The following ANKRD18A variants were observed in gnomAD, a reference collection of about 807,000 sequenced individuals.
ANKRD18A encodes ankyrin repeat domain-containing protein 18A.
Under a neutral mutation model 110.6 loss-of-function variants are expected in ANKRD18A, and 72 were observed. The observed-to-expected ratio is 0.65, with a 90% confidence interval of 0.54 to 0.79. ANKRD18A has a LOEUF of 0.79. Among genes scored for constraint, ANKRD18A ranks in the 30% least tolerant of loss-of-function variants. The probability of loss-of-function intolerance (pLI) is 0.00; values close to 1 mark genes in which losing one functional copy is unlikely to be tolerated. For synonymous variants in ANKRD18A, 305 were observed against 410.3 expected, an observed-to-expected ratio of 0.74 and a Z score of 3.10; for missense variants, 934 against 1,163.3, an observed-to-expected ratio of 0.80 and a Z score of 2.87.
At chr9:38,588,102 T>A (rs1307789829) in intron 11 of ANKRD18A, among the ~76,000 whole-genome samples, 2 of 151,996 alleles carry the variant, frequency 1.3e-5, no homozygotes, top group Non-Finnish European at 2.9e-5. Flanking sequence ...GATAAATAAA[T>A]AAATAAATAA....
At chr9:38,596,475 A>G (rs1398984705) in intron 8 of ANKRD18A, 72 bp from the exon 9 acceptor site, 1 of 1,267,080 alleles carries the variant, frequency 7.9e-7, no homozygotes, top group South Asian at 2.1e-5. Flanking sequence ...CTGAAGTGAA[A>G]GAGCAATCTA....
Position 38,595,549 on chromosome 9 carries a change from C to A in ANKRD18A, c.1791G>T (p.Met597Ile), listed in dbSNP as rs1479049685. The A allele has an allele frequency of 2.0e-6, 3 of 1,534,318 alleles. No homozygotes were observed. Among genetic ancestry groups the A allele is most frequent in the Non-Finnish European group, 2.6e-6 (3 of 1,140,708 alleles). ...TTTCTTTTAAATAATTATATTCTTT[C>A]ATTAATTCCTTATTTCTTTCTTCTA... ...DLLEERNKELMKEYNYLKEKL... is the reference protein window; with the variant it reads ...DLLEERNKELIKEYNYLKEKL... Residue 597 changes from methionine to isoleucine, a missense_variant, in exon 9 of 16, where the codon ATG becomes ATT. Met to Ile is a conservative substitution (Grantham distance 10, BLOSUM62 1). Coordinates refer to ENST00000399703, the MANE Select transcript of ANKRD18A (RefSeq NM_147195.4).
intron 12 of ANKRD18A, among the ~76,000 whole-genome samples, chr9:38,578,940 C>G (rs1824032741): frequency 6.6e-6 from 1 of 152,164 alleles, no homozygotes; most frequent in Admixed American, 6.5e-5. Context: ...TAAGCCTTTC[C>G]CTAAACTGCA....
chr9:38,615,827 A>G, intron 2 of ANKRD18A, 60 bp from the exon 3 acceptor site: 1 of 1,550,776 alleles, frequency 6.4e-7, no homozygotes, highest in Non-Finnish European at 8.7e-7. Flanking sequence ...TACATATTCC[A>G]CAGGTTTCAC....
chr9:38,582,517 T>C (rs1824207597), intron 12 of ANKRD18A, among the ~76,000 whole-genome samples: 1 of 152,190 alleles, frequency 6.6e-6, no homozygotes, highest in South Asian at 2.1e-4. Context: ...AAACTAAGAA[T>C]TGATAACCTA....
chr9:38,571,015 G>A, downstream of ANKRD18A: 2 of 1,245,934 alleles, frequency 1.6e-6, no homozygotes, highest in Non-Finnish European at 1.0e-6. Flanking sequence ...TAGAGACACA[G>A]CACAGAGACT....
At chr9:38,600,134 AG>A (rs1825059838) in intron 8 of ANKRD18A, among the ~76,000 whole-genome samples, 1 of 152,208 alleles carries the variant, frequency 6.6e-6, no homozygotes, top group African/African-American at 2.4e-5. Flanking sequence ...GGCTTAATAT[AG>A]GGGAAAAACG....
intron 6 of ANKRD18A, among the ~76,000 whole-genome samples, chr9:38,607,007 T>G (rs1825389429): frequency 6.6e-6 from 1 of 152,032 alleles, no homozygotes; most frequent in Non-Finnish European, 1.5e-5. Flanking sequence ...AATTTATATA[T>G]AAACATATAT....
At chr9:38,597,862 T>C (rs896929967) in intron 8 of ANKRD18A, among the ~76,000 whole-genome samples, 1 of 152,180 alleles carries the variant, frequency 6.6e-6, no homozygotes, top group African/African-American at 2.4e-5. Flanking sequence ...AAATCATACA[T>C]GTCAAAACCT....
Position 38,576,441 on chromosome 9 carries a change from A to C in ANKRD18A, c.2741+612T>G, listed in dbSNP as rs1765394. Among the ~76,000 whole-genome samples, 945 of 152,206 alleles carry C rather than the reference A, an allele frequency of 6.2e-3. 8 individuals carry two copies. Among genetic ancestry groups the C allele is most frequent in the African/African-American group, 0.021 (857 of 41,512 alleles). Reference sequence around the variant, plus strand: ...CTTCCACACAGCCCTTCAGGCTGAAAAAGGTGTTATTTTTGAACCCTTGTG... The same window carrying C: ...CTTCCACACAGCCCTTCAGGCTGAACAAGGTGTTATTTTTGAACCCTTGTG... On this transcript the variant is annotated intron_variant, in intron 14 of 15. Coordinates refer to ENST00000399703, the MANE Select transcript of ANKRD18A (RefSeq NM_147195.4).
intron 3 of ANKRD18A, among the ~76,000 whole-genome samples, chr9:38,613,816 A>G (rs1432393377): frequency 6.6e-6 from 1 of 152,206 alleles, no homozygotes; most frequent in Non-Finnish European, 1.5e-5. Flanking sequence ...AATTGAGAAA[A>G]TCTCACTTGT....
At chr9:38,580,244 TA>T (rs1426098793) in intron 12 of ANKRD18A, among the ~76,000 whole-genome samples, 1 of 152,042 alleles carries the variant, frequency 6.6e-6, no homozygotes, top group Non-Finnish European at 1.5e-5. Flanking sequence ...CTCTACAAAG[TA>T]AAAAATCAGA....
intron 8 of ANKRD18A, among the ~76,000 whole-genome samples, chr9:38,596,967 G>C (rs3955068): frequency 0.013 from 1,991 of 152,186 alleles, 42 homozygotes; most frequent in African/African-American, 0.045. Flanking sequence ...TACATACATT[G>C]ATGAACTTAT....
In ANKRD18A at chr9:38,596,124, C is replaced by G. The variant is rs1203909930; in HGVS notation, c.1216G>C (p.Glu406Gln). 2 of 1,551,066 alleles carry G rather than the reference C, an allele frequency of 1.3e-6. No individual in the cohort carries two copies. The highest frequency in any genetic ancestry group is 2.4e-5 in the South Asian group (2 of 83,904). Residue 406 changes from glutamate to glutamine, a missense_variant, in exon 9 of 16, where the codon GAG becomes CAG. Around this residue, in one of 4 missense-constraint regions of ANKRD18A, gnomAD observed 630 missense variants for 797.5 expected, o/e 0.79. Transcript: ENST00000399703. ...CTTTCTTTGTTGTGTTTTTCCTTCTCCAATTCTGAATTCAGCCTTGCATTC... is the reference window on the plus strand; with the variant it reads ...CTTTCTTTGTTGTGTTTTTCCTTCTGCAATTCTGAATTCAGCCTTGCATTC... Reference protein sequence around the residue: ...AENARLNSELEKEKHNKERLE... With the variant: ...AENARLNSELQKEKHNKERLE...
chr9:38,600,770 G>A (rs1825087817), intron 8 of ANKRD18A, among the ~76,000 whole-genome samples: 1 of 152,020 alleles, frequency 6.6e-6, no homozygotes, highest in South Asian at 2.1e-4. Context: ...TTCACATGAG[G>A]TGAACTCAGT....
At chr9:38,598,310 G>C (rs1386603304) in intron 8 of ANKRD18A, among the ~76,000 whole-genome samples, 3 of 152,154 alleles carry the variant, frequency 2.0e-5, no homozygotes, top group Admixed American at 2.0e-4. Context: ...TATGCCACTT[G>C]GAAAACTCAC....
chr9:38,589,288 A>G (rs551643219), intron 10 of ANKRD18A, among the ~76,000 whole-genome samples: 13 of 152,336 alleles, frequency 8.5e-5, no homozygotes, highest in African/African-American at 3.1e-4. Context: ...ATTGGACTCT[A>G]TGACACAGGG....
chr9:38,620,099 C>A lies in ANKRD18A; in HGVS notation c.187G>T (p.Ala63Ser), dbSNP rs1175112844. ...AGCTACCTGTCTTTTCTGTCGCGGG[C>A]GTCCAAGTCCCGGAACCTGCGCGTC... ...CLTRRFRDLD[A>S]RDRKDRTVLH... Residue 63 changes from alanine (A) to serine (S), a missense_variant, in exon 1 of 16, where the codon GCC becomes TCC. Ala to Ser is a moderately conservative substitution (Grantham distance 99). This residue lies in a region of ANKRD18A where 630 missense variants were observed against 797.5 expected (regional missense o/e 0.79). Transcript: ENST00000399703. The A allele has an allele frequency of 1.9e-6, 3 of 1,554,430 alleles. No homozygotes were observed. Among genetic ancestry groups the A allele is most frequent in the African/African-American group, 1.4e-5 (1 of 73,218 alleles).
chr9:38,581,886 C>T (rs550754948), intron 12 of ANKRD18A, among the ~76,000 whole-genome samples: 540 of 152,160 alleles, frequency 3.5e-3, no homozygotes, highest in Non-Finnish European at 6.3e-3. Flanking sequence ...CTTTTTATTC[C>T]AAGAATCCTC....
Sources: allele counts gnomAD v4.1 joint callset (sites outside exome capture counted in the v4.1 genomes callset), GRCh38; gene constraint gnomAD v4.1.1; regional missense constraint gnomAD v4.1.1; transcripts MANE v1.5; gene names NCBI Gene and HGNC (gene_info 2026-07-23, HGNC 2026-07-21).